The following POLR2I variants were observed in gnomAD, a reference collection of about 807,000 sequenced individuals.
POLR2I encodes RNA polymerase II subunit I, also known as DNA-directed RNA polymerase II subunit RPB9.
In POLR2I, 15 loss-of-function variants were observed where a neutral mutation model predicts 23.0. The ratio of observed to expected loss-of-function variants is 0.65; its 90% CI spans 0.44 to 1.00. The LOEUF (loss-of-function observed/expected upper bound fraction) is 1.00, where lower values mean the gene tolerates loss of function less well. POLR2I is among the 50% of genes least tolerant of loss of function. The pLI, the probability that POLR2I is intolerant of heterozygous loss-of-function variation, is 0.00. For synonymous variants in POLR2I, 72 were observed against 65.4 expected, an observed-to-expected ratio of 1.10 and a Z score of -0.49; for missense variants, 120 against 173.7, an observed-to-expected ratio of 0.69 and a Z score of 1.74.
rs1447917779 is a variant in POLR2I at position 36,114,676 on chromosome 19, G to A, written c.97C>T (p.Arg33Cys). Residue 33 changes from arginine (R) to cysteine (C), a missense_variant, in exon 2 of 6, where the codon CGC becomes TGC. Arg to Cys is a radical substitution (Grantham distance 180). Transcript: ENST00000221859. The surrounding 1 kb of genome is among the most constrained non-coding windows in gnomAD (Gnocchi z 4.5). The stretch of plus-strand genomic sequence containing the variant: ...GCGCTCACCGCGTAGAGCAGAATGC[G>A]GTTCTCCTTGTCTTCCTTGGGGTAC... Reference protein sequence around the residue: ...MLYPKEDKENRILLYACRNCD... With the variant: ...MLYPKEDKENCILLYACRNCD... 2 of 1,610,290 alleles carry A rather than the reference G, an allele frequency of 1.2e-6. No individual in the cohort carries two copies. The highest frequency in any genetic ancestry group is 1.7e-5 in the Admixed American group (1 of 59,898).
Position 36,114,691 on chromosome 19 carries a change from C to T in POLR2I, c.82G>A (p.Glu28Lys). The change falls in exon 2 of 6, where the codon GAA (glutamate) becomes AAA (lysine). Residue 28 changes from glutamate (E) to lysine (K), a missense_variant. Physicochemically the swap from Glu to Lys is moderately conservative, Grantham distance 56 (BLOSUM62 1). Transcript: ENST00000221859. The surrounding 1 kb of genome is among the most constrained non-coding windows in gnomAD (Gnocchi z 4.5). ...AGCAGAATGCGGTTCTCCTTGTCTT[C>T]CTTGGGGTACAGCATGTTGTTACTG... ...QECNNMLYPKEDKENRILLYA... is the reference protein window; with the variant it reads ...QECNNMLYPKKDKENRILLYA... 2 of 1,611,808 alleles carry T rather than the reference C, an allele frequency of 1.2e-6. No homozygotes were observed. The highest frequency in any genetic ancestry group is 1.7e-6 in the Non-Finnish European group (2 of 1,178,112).
At position 36,114,490 on chromosome 19, in the gene POLR2I, C is replaced by A. The variant is rs185949069; in HGVS notation, c.115-78G>T. On this transcript the variant is annotated intron_variant, in intron 2 of 5. Coordinates refer to ENST00000221859, the MANE Select transcript of POLR2I (RefSeq NM_006233.5). The surrounding 1 kb of genome is among the most constrained non-coding windows in gnomAD (Gnocchi z 4.5). Reference sequence around the variant, plus strand: ...GATTGGGAGGAGAGGGCAGGGTGATCCCGGAGGATATGACGACAGGACTCT... The same window carrying A: ...GATTGGGAGGAGAGGGCAGGGTGATACCGGAGGATATGACGACAGGACTCT... 206 of 1,429,574 alleles carry A rather than the reference C, an allele frequency of 1.4e-4. No homozygotes were observed. The East Asian group carries it at 4.6e-3, about 32-fold the overall frequency. The allele number at this position is 1,429,574 out of a possible 1,614,324, so 88.6% of individuals were successfully genotyped here. A position where few individuals can be genotyped will look rare whatever the true frequency, so the allele number is the denominator to read the frequency against.
Position 36,114,505 on chromosome 19 carries a change from G to T in POLR2I, c.115-93C>A. The T allele has an allele frequency of 7.3e-7, 1 of 1,364,342 alleles. No individual in the cohort carries two copies. The highest frequency in any genetic ancestry group is 1.0e-6 in the Non-Finnish European group (1 of 959,196). 84.5% of individuals were successfully genotyped at this position (1,364,342 alleles called of 1,614,324 possible). ...GCAGGGTGATCCCGGAGGATATGAC[G>T]ACAGGACTCTCTTTGGGGATGGGCA... On this transcript the variant is annotated intron_variant, in intron 2 of 5. Transcript: ENST00000221859. The surrounding 1 kb of genome is among the most constrained non-coding windows in gnomAD (Gnocchi z 4.5).
intron 5 of POLR2I, 44 bp from the exon 6 acceptor site, chr19:36,113,861 G>A (rs1897474453): frequency 6.2e-7 from 1 of 1,606,234 alleles, no homozygotes. Flanking sequence ...GGACCCAGCA[G>A]CGCCTTACCC....
In POLR2I at chr19:36,114,718, G is replaced by A; in HGVS notation, c.60-5C>T. 1.2e-6 allele frequency: 2 copies of A among 1,612,986 alleles called. No individual in the cohort carries two copies. The highest frequency in any genetic ancestry group is 8.5e-7 in the Non-Finnish European group (1 of 1,179,008). On this transcript the variant is annotated splice_polypyrimidine_tract_variant and splice_region_variant and intron_variant, in intron 1 of 5. Transcript: ENST00000221859. This position sits in a 1 kb window ranked among gnomAD's most constrained non-coding sequence, Gnocchi z 4.5. ...TTGGGGTACAGCATGTTGTTACTGT[G>A]GGGAGGGGGAGGTGCCAGGGGTTAG...
chr19:36,114,153 C>A lies in POLR2I; in HGVS notation c.263+24G>T. 1.2e-6 allele frequency: 2 copies of A among 1,614,022 alleles called. No individual in the cohort carries two copies. The highest frequency in any genetic ancestry group is 1.7e-6 in the Non-Finnish European group (2 of 1,179,890). On this transcript the variant is annotated intron_variant, in intron 4 of 5. Transcript: ENST00000221859. The surrounding 1 kb of genome is among the most constrained non-coding windows in gnomAD (Gnocchi z 4.5). ...TGAGGAGACGAGCCTCACTTTACCT[C>A]CCCAGTACCAGCTGAACGCTCACTT...
chr19:36,114,091 C>A lies in POLR2I; in HGVS notation c.264-25G>T, dbSNP rs771981393. Reference sequence around the variant, plus strand: ...CCTGAGAGGGTAGGGGCTCGGTCACCGGAGGCTTCACACCCTTCCCTCCTC... The same window carrying A: ...CCTGAGAGGGTAGGGGCTCGGTCACAGGAGGCTTCACACCCTTCCCTCCTC... On this transcript the variant is annotated intron_variant, in intron 4 of 5. Transcript: ENST00000221859. The surrounding 1 kb of genome is among the most constrained non-coding windows in gnomAD (Gnocchi z 4.5). 6.2e-7 allele frequency: 1 copy of A among 1,613,770 alleles called. No individual in the cohort carries two copies. The highest frequency in any genetic ancestry group is 2.2e-5 in the East Asian group (1 of 44,890).
chr19:36,113,884 C>T (rs913855606), intron 5 of POLR2I, 67 bp from the exon 6 acceptor site: 1 of 1,593,732 alleles, frequency 6.3e-7, no homozygotes, highest in African/African-American at 1.3e-5. Context: ...AAAGAACAGG[C>T]AAGAGAACTT....
In POLR2I at chr19:36,114,744, T is replaced by C; in HGVS notation, c.60-31A>G. 6.2e-7 allele frequency: 1 copy of C among 1,613,542 alleles called. No homozygotes were observed. Among genetic ancestry groups the C allele is most frequent in the African/African-American group, 1.3e-5 (1 of 75,030 alleles). ...GGGAGGGGGAGGTGCCAGGGGTTAG[T>C]TCTGGAGCCATTCCTCGCCCGCCTT... On this transcript the variant is annotated intron_variant, in intron 1 of 5. Coordinates refer to ENST00000221859, the MANE Select transcript of POLR2I (RefSeq NM_006233.5). This position sits in a 1 kb window ranked among gnomAD's most constrained non-coding sequence, Gnocchi z 4.5.
rs1973888687 is a variant in POLR2I, at chr19:36,113,835, T to C, written c.316-18A>G. On this transcript the variant is annotated intron_variant, in intron 5 of 5. Coordinates refer to ENST00000221859, the MANE Select transcript of POLR2I (RefSeq NM_006233.5). ...ATGGCGTCCTGGCAGAAATGATGCA[T>C]GGTTAGGAAGGATTTGGACCCAGCA... The C allele has an allele frequency of 3.1e-6, 5 of 1,601,534 alleles. No homozygotes were observed. The highest frequency in any genetic ancestry group is 2.4e-5 in the East Asian group (1 of 42,494).
In POLR2I at chr19:36,114,536, TGA is replaced by T. The variant is rs761212910; in HGVS notation, c.114+121_114+122del. 4.2e-5 allele frequency: 55 copies of T among 1,298,930 alleles called. No homozygotes were observed. Among genetic ancestry groups the T allele is most frequent in the Non-Finnish European group, 5.6e-5 (51 of 904,270 alleles). 80.5% of individuals were successfully genotyped at this position (1,298,930 alleles called of 1,614,324 possible). ...ACTCTCTTTGGGGATGGGCAGGACA[TGA>T]GAGTCAGGATCACTTGAGGTGCAGC... is the stretch of plus-strand genomic sequence containing the variant. On this transcript the variant is annotated intron_variant, in intron 2 of 5. Transcript: ENST00000221859. The surrounding 1 kb of genome is among the most constrained non-coding windows in gnomAD (Gnocchi z 4.5).
rs1388462477 is a variant in POLR2I, at chr19:36,113,834, AT to A, written c.316-18del. The A allele has an allele frequency of 1.4e-6, 2 of 1,477,782 alleles. No homozygotes were observed. Among genetic ancestry groups the A allele is most frequent in the East Asian group, 4.1e-5 (1 of 24,228 alleles). The allele number at this position is 1,477,782 out of a possible 1,614,324, so 91.5% of individuals were successfully genotyped here. A position where few individuals can be genotyped will look rare whatever the true frequency, so the allele number is the denominator to read the frequency against. On this transcript the variant is annotated intron_variant, in intron 5 of 5. Transcript: ENST00000221859. ...CATGGCGTCCTGGCAGAAATGATGC[AT>A]GGTTAGGAAGGATTTGGACCCAGCA... is the stretch of plus-strand genomic sequence containing the variant.
rs574255340 is a variant in POLR2I at position 36,114,224 on chromosome 19, C to T, written c.216G>A (p.Val72=). ...VDELTQIIAD[V]SQDPTLPRTE... ...TCCGCGGCAACGTGGGGTCCTGGGA[C>T]ACGTCGGCGATAATCTGGGTCAGTT... The change falls in exon 4 of 6, where the codon GTG becomes GTA. Residue 72 remains valine (V), a synonymous_variant. Transcript: ENST00000221859. The surrounding 1 kb of genome is among the most constrained non-coding windows in gnomAD (Gnocchi z 4.5). 111 of 1,614,080 alleles carry T rather than the reference C, an allele frequency of 6.9e-5. No homozygotes were observed. Among genetic ancestry groups the T allele is most frequent in the South Asian group, 5.7e-4 (52 of 91,086 alleles).
rs746063380 is a variant in POLR2I at position 36,113,867 on chromosome 19, T to G, written c.316-50A>C. ...GAAGGATTTGGACCCAGCAGCGCCTTACCCCAAAAGAACAGGCAAGAGAAC... is the reference window on the plus strand; with the variant it reads ...GAAGGATTTGGACCCAGCAGCGCCTGACCCCAAAAGAACAGGCAAGAGAAC... On this transcript the variant is annotated intron_variant, in intron 5 of 5. Coordinates refer to ENST00000221859, the MANE Select transcript of POLR2I (RefSeq NM_006233.5). 7 of 1,603,980 alleles carry G rather than the reference T, an allele frequency of 4.4e-6. No individual in the cohort carries two copies. The Admixed American group carries it at 1.2e-4, about 27-fold the overall frequency.
In POLR2I at chr19:36,114,293, C is replaced by T. The variant is rs563220853; in HGVS notation, c.189-42G>A. 4 of 1,613,556 alleles carry T rather than the reference C, an allele frequency of 2.5e-6. No individual in the cohort carries two copies. The East Asian group carries it at 6.7e-5, about 27-fold the overall frequency. On this transcript the variant is annotated intron_variant, in intron 3 of 5. Coordinates refer to ENST00000221859, the MANE Select transcript of POLR2I (RefSeq NM_006233.5). The surrounding 1 kb of genome is among the most constrained non-coding windows in gnomAD (Gnocchi z 4.5). Reference sequence around the variant, plus strand: ...GTGCAAAATTACGCTCAGACCCAGCCTCCAGAGCCAACACCCCCGCCCCCA... The same window carrying T: ...GTGCAAAATTACGCTCAGACCCAGCTTCCAGAGCCAACACCCCCGCCCCCA...
At chr19:36,113,981 C>T (rs1320770654) in intron 5 of POLR2I, 34 bp downstream of exon 5, 1 of 1,610,900 alleles carries the variant, frequency 6.2e-7, no homozygotes, top group Non-Finnish European at 8.5e-7. Flanking sequence ...ACCAAACAAG[C>T]CCCAGATACT....
At position 36,114,539 on chromosome 19, in the gene POLR2I, G is replaced by A; in HGVS notation, c.114+120C>T. 1.5e-6 allele frequency: 2 copies of A among 1,303,290 alleles called. No individual in the cohort carries two copies. The highest frequency in any genetic ancestry group is 2.2e-6 in the Non-Finnish European group (2 of 908,238). The allele number at this position is 1,303,290 out of a possible 1,614,324, so 80.7% of individuals were successfully genotyped here. A position where few individuals can be genotyped will look rare whatever the true frequency, so the allele number is the denominator to read the frequency against. On this transcript the variant is annotated intron_variant, in intron 2 of 5. Transcript: ENST00000221859. The surrounding 1 kb of genome is among the most constrained non-coding windows in gnomAD (Gnocchi z 4.5). Reference sequence around the variant, plus strand: ...CTCTTTGGGGATGGGCAGGACATGAGAGTCAGGATCACTTGAGGTGCAGCG... The same window carrying A: ...CTCTTTGGGGATGGGCAGGACATGAAAGTCAGGATCACTTGAGGTGCAGCG...
rs775183236 is a variant in POLR2I, at chr19:36,114,305, C to A, written c.188+34G>T. On this transcript the variant is annotated intron_variant, in intron 3 of 5. Coordinates refer to ENST00000221859, the MANE Select transcript of POLR2I (RefSeq NM_006233.5). This position sits in a 1 kb window ranked among gnomAD's most constrained non-coding sequence, Gnocchi z 4.5. Reference sequence around the variant, plus strand: ...GCTCAGACCCAGCCTCCAGAGCCAACACCCCCGCCCCCAGCTCAGGGCCCG... The same window carrying A: ...GCTCAGACCCAGCCTCCAGAGCCAAAACCCCCGCCCCCAGCTCAGGGCCCG... 49 of 1,612,574 alleles carry A rather than the reference C, an allele frequency of 3.0e-5. No individual in the cohort carries two copies. The highest frequency in any genetic ancestry group is 4.1e-5 in the Non-Finnish European group (48 of 1,179,214).
Position 36,114,836 on chromosome 19 carries a change from G to C in POLR2I, c.21C>G (p.Tyr7Ter), listed in dbSNP as rs772329724. 4.3e-6 allele frequency: 7 copies of C among 1,613,962 alleles called. No individual in the cohort carries two copies. The highest frequency in any genetic ancestry group is 1.1e-5 in the South Asian group (1 of 91,074). Residue 7 changes from tyrosine (Y) to a stop codon, truncating the protein, a stop_gained, in exon 1 of 6, where the codon TAC becomes TAG. Transcript: ENST00000221859. LOFTEE classifies it high-confidence loss of function. This position sits in a 1 kb window ranked among gnomAD's most constrained non-coding sequence, Gnocchi z 4.5. ...AGCGAATACCCACGAAGCCCGGCTC[G>C]TAAGTCCCGTCGGGCTCCATGGCGA... is the stretch of plus-strand genomic sequence containing the variant. MEPDGT[Y>*]EPGFVGIRFC...
Sources: gnomAD v4.1 joint callset for allele counts on GRCh38, gnomAD v4.1.1 for gene constraint, Gnocchi (gnomAD v3.1) non-coding constraint, MANE v1.5 for transcripts, NCBI Gene and HGNC (gene_info 2026-07-23, HGNC 2026-07-21) for gene names.